Variants in FMN2 observed in about 807,000 individuals in gnomAD.
The protein encoded by FMN2 is formin-2.
A neutral mutation model predicts 142.3 loss-of-function variants in FMN2; 51 were observed. The observed-to-expected ratio is 0.36, with a 90% CI of 0.29 to 0.45. The LOEUF (loss-of-function observed/expected upper bound fraction) is 0.45. FMN2 is among the 20% of genes least tolerant of loss of function. The probability of loss-of-function intolerance (pLI) is 1.00; values close to 1 mark genes in which losing one functional copy is unlikely to be tolerated. For missense variants in FMN2, 1,936 were observed against 2,122.8 expected (o/e 0.91, Z 1.73); for synonymous variants, 882 against 869.8 (o/e 1.01, Z -0.25).
intron 16 of FMN2, among the ~76,000 whole-genome samples, chr1:240,440,281 G>A (rs746629369): frequency 7.9e-5 from 12 of 152,086 alleles, no homozygotes; most frequent in Non-Finnish European, 1.5e-4. Context: ...TAATTCAGAT[G>A]CTTTGCTCCC....
intron 8 of FMN2, among the ~76,000 whole-genome samples, chr1:240,307,385 T>G (rs2102982052): frequency 6.6e-6 from 1 of 152,306 alleles, no homozygotes; most frequent in South Asian, 2.1e-4. Flanking sequence ...GAGGTCTTAC[T>G]TTTAAGTTTT....
intron 7 of FMN2, 33 bp downstream of exon 7, chr1:240,258,065 T>C (rs1269272002): frequency 2.6e-6 from 4 of 1,539,090 alleles, no homozygotes; most frequent in Non-Finnish European, 3.6e-6. Context: ...AGCTTCTGAA[T>C]ATTAAAATTT....
intron 8 of FMN2, among the ~76,000 whole-genome samples, chr1:240,303,797 T>C (rs775212470): frequency 6.6e-6 from 1 of 152,136 alleles, no homozygotes; most frequent in African/African-American, 2.4e-5. Flanking sequence ...TAATGCATAT[T>C]TGGTCTGCTT....
chr1:240,098,097 A>AT (rs35191164), intron 1 of FMN2, among the ~76,000 whole-genome samples: 1,769 of 98,680 alleles, frequency 0.018, 147 homozygotes, highest in African/African-American at 0.072. Context: ...GTTATCTTGA[A>AT]TTTTTTTTTT....
chr1:240,173,289 A>G (rs1483295094), intron 2 of FMN2, among the ~76,000 whole-genome samples: 1 of 152,126 alleles, frequency 6.6e-6, no homozygotes, highest in Non-Finnish European at 1.5e-5. Context: ...GGGGAGATTT[A>G]CAAGACCTGT....
chr1:240,362,418 G>C (rs1672517157), intron 14 of FMN2, among the ~76,000 whole-genome samples: 1 of 151,986 alleles, frequency 6.6e-6, no homozygotes, highest in Admixed American at 6.6e-5. Context: ...TTTTTTAATA[G>C]CAGAAAATGT....
intron 8 of FMN2, among the ~76,000 whole-genome samples, chr1:240,302,924 A>G (rs1572172807): frequency 6.6e-6 from 1 of 152,088 alleles, no homozygotes; most frequent in African/African-American, 2.4e-5. Flanking sequence ...TTTATGCCCT[A>G]TATGGATATA....
intron 1 of FMN2, among the ~76,000 whole-genome samples, chr1:240,113,753 A>G (rs1661911604): frequency 6.6e-6 from 1 of 152,104 alleles, no homozygotes; most frequent in Non-Finnish European, 1.5e-5. Flanking sequence ...TGGTCAAATT[A>G]CATTCCTTGA....
intron 4 of FMN2, among the ~76,000 whole-genome samples, chr1:240,189,207 A>G (rs1172558512): frequency 6.6e-6 from 1 of 151,308 alleles, no homozygotes; most frequent in Non-Finnish European, 1.5e-5. Flanking sequence ...GGAAACGTGT[A>G]TGGAATAGTA....
chr1:240,427,522 G>T (rs1675000555), intron 15 of FMN2, among the ~76,000 whole-genome samples: 1 of 152,048 alleles, frequency 6.6e-6, no homozygotes, highest in African/African-American at 2.4e-5. Flanking sequence ...ATTTTATTTT[G>T]GTTACAGTTT....
intron 15 of FMN2, among the ~76,000 whole-genome samples, chr1:240,396,250 A>G (rs1380114172): frequency 6.6e-6 from 1 of 151,738 alleles, no homozygotes; most frequent in Admixed American, 6.6e-5. Flanking sequence ...TACAATATTC[A>G]TTCACTTTAT....
intron 15 of FMN2, among the ~76,000 whole-genome samples, chr1:240,406,322 T>A (rs1264594035): frequency 4.3e-5 from 1 of 23,270 alleles, no homozygotes; most frequent in Non-Finnish European, 9.2e-5. Context: ...GCCTCGGGAG[T>A]GGGGGGAGCG....
At chr1:240,249,463 G>C (rs187005073) in intron 6 of FMN2, among the ~76,000 whole-genome samples, 1 of 151,982 alleles carries the variant, frequency 6.6e-6, no homozygotes, top group African/African-American at 2.4e-5. Context: ...CTATGTGTTT[G>C]TTTTTATATC....
At chr1:240,379,523 T>A (rs1673155985) in intron 14 of FMN2, among the ~76,000 whole-genome samples, 1 of 152,170 alleles carries the variant, frequency 6.6e-6, no homozygotes, top group South Asian at 2.1e-4. Context: ...CTGTATTTCC[T>A]CAACTCAGCA....
At chr1:240,437,282 G>A (rs1328109697) in intron 15 of FMN2, among the ~76,000 whole-genome samples, 1 of 145,372 alleles carries the variant, frequency 6.9e-6, no homozygotes, top group Non-Finnish European at 1.5e-5. Context: ...GACTTTGTCA[G>A]CATCTCTTGC....
At position 240,135,561 on chromosome 1, in the gene FMN2, A is replaced by C. The variant is rs187007893; in HGVS notation, c.1782+12216A>C. Among the ~76,000 whole-genome samples the C allele has an allele frequency of 9.1e-3, 1,379 of 152,282 alleles. 10 individuals are homozygous for C. The highest frequency in any genetic ancestry group is 0.011 in the Non-Finnish European group (755 of 68,030). Reference sequence around the variant, plus strand: ...ACAATATTGATTGTATAGTGAGTTAAATTATGTCCCCTCTGTTTGTAGTCA... The same window carrying C: ...ACAATATTGATTGTATAGTGAGTTACATTATGTCCCCTCTGTTTGTAGTCA... On this transcript the variant is annotated intron_variant, in intron 2 of 17. Transcript: ENST00000319653.
intron 1 of FMN2, among the ~76,000 whole-genome samples, chr1:240,111,487 C>G (rs2103195353): frequency 6.6e-6 from 1 of 152,272 alleles, no homozygotes; most frequent in South Asian, 2.1e-4. Flanking sequence ...CATGCCTCCC[C>G]TTCTTTGACC....
At chr1:240,099,026 C>T (rs897515892) in intron 1 of FMN2, among the ~76,000 whole-genome samples, 1 of 152,074 alleles carries the variant, frequency 6.6e-6, no homozygotes, top group South Asian at 2.1e-4. Flanking sequence ...CTAAGTGAGT[C>T]TCCAGTAATT....
intron 13 of FMN2, among the ~76,000 whole-genome samples, chr1:240,338,985 T>C (rs779205333): frequency 3.3e-5 from 5 of 152,164 alleles, no homozygotes; most frequent in Non-Finnish European, 7.4e-5. Flanking sequence ...ATCCTGCACA[T>C]GCGCAGTTCA....
Sources: allele counts gnomAD v4.1 joint callset (sites outside exome capture counted in the v4.1 genomes callset), GRCh38; gene constraint gnomAD v4.1.1; transcripts MANE v1.5; gene names NCBI Gene and HGNC (gene_info 2026-07-23, HGNC 2026-07-21).